DVL3: variants seen among roughly 807,000 people sequenced by gnomAD.
DVL3 encodes dishevelled segment polarity protein 3, also known as segment polarity protein dishevelled homolog DVL-3.
In DVL3, 27 loss-of-function variants were observed where a neutral mutation model predicts 67.4. The observed-to-expected ratio is 0.40, with a 90% CI of 0.30 to 0.55. The LOEUF is 0.55. Ranked by LOEUF, DVL3 falls within the 20% of genes least tolerant of loss-of-function variation. The probability of loss-of-function intolerance (pLI) is 0.46; values close to 1 mark genes in which losing one functional copy is unlikely to be tolerated. For synonymous variants in DVL3, 369 were observed against 396.8 expected (o/e 0.93, Z 0.83); for missense variants, 819 against 1,021.5 (o/e 0.80, Z 2.70).
chr3:184,168,947 T>A (rs543620570), intron 13 of DVL3, among the ~76,000 whole-genome samples: 11 of 152,258 alleles, frequency 7.2e-5, no homozygotes, highest in African/African-American at 2.6e-4. Flanking sequence ...TATGAAGAGC[T>A]AGGCCTGGCT....
Position 184,170,354 on chromosome 3 carries a change from G to T in DVL3, c.1750G>T (p.Asp584Tyr). 6.2e-7 allele frequency: 1 copy of T among 1,605,478 alleles called. No individual in the cohort carries two copies. Among genetic ancestry groups the T allele is most frequent in the Non-Finnish European group, 8.5e-7 (1 of 1,176,354 alleles). ...RSSGSNRSGS[D>Y]RRKEKDPKAG... ...CAGTGGCTCCAACCGTAGCGGCAGC[G>T]ATCGGAGGAAGGAGAAGGACCCGAA... The change falls in exon 15 of 15, where the codon GAT becomes TAT. Residue 584 changes from aspartate to tyrosine, a missense_variant. Physicochemically the swap from Asp to Tyr is radical, Grantham distance 160 (BLOSUM62 -3). Around this residue, in one of 3 missense-constraint regions of DVL3, gnomAD observed 324 missense variants for 331.3 expected, o/e 0.98. Coordinates refer to ENST00000313143, the MANE Select transcript of DVL3 (RefSeq NM_004423.4). The surrounding 1 kb of genome is among the most constrained non-coding windows in gnomAD (Gnocchi z 6.5).
rs909082432 is a variant in DVL3, at chr3:184,171,264, C to T, written c.*509C>T. 63 of 1,049,170 alleles carry T rather than the reference C, an allele frequency of 6.0e-5. No individual in the cohort carries two copies. Among genetic ancestry groups the T allele is most frequent in the Non-Finnish European group, 7.0e-5 (61 of 869,946 alleles). The allele number at this position is 1,049,170 out of a possible 1,614,324, so 65.0% of individuals were successfully genotyped here. A position where few individuals can be genotyped will look rare whatever the true frequency, so the allele number is the denominator to read the frequency against. On this transcript the variant is annotated 3_prime_UTR_variant, in exon 15 of 15. Transcript: ENST00000313143. ...CAAAATATATTTGCTTCATCTGCCC[C>T]TACTAACCATCCCCCTGCCTGCTGC... is the stretch of plus-strand genomic sequence containing the variant.
At position 184,166,241 on chromosome 3, in the gene DVL3, C is replaced by T. The variant is rs1056470101; in HGVS notation, c.879C>T (p.Ile293=). 2.5e-6 allele frequency: 4 copies of T among 1,612,966 alleles called. No individual in the cohort carries two copies. Among genetic ancestry groups the T allele is most frequent in the Non-Finnish European group, 2.5e-6 (3 of 1,179,732 alleles). ...KGGAVAADGR[I]EPGDMLLQVN... is the part of the protein sequence containing the mutation. ...GGGCCGTGGCTGCTGATGGACGCATCGAGCCAGGAGATATGTTGTTACAGG... is the reference window on the plus strand; with the variant it reads ...GGGCCGTGGCTGCTGATGGACGCATTGAGCCAGGAGATATGTTGTTACAGG... The change falls in exon 8 of 15, where the codon ATC becomes ATT. Residue 293 remains isoleucine, a synonymous_variant. Transcript: ENST00000313143. The surrounding 1 kb of genome is among the most constrained non-coding windows in gnomAD (Gnocchi z 6.7).
Position 184,171,177 on chromosome 3 carries a change from A to C in DVL3, c.*422A>C. ...ATTTATTCAGCTACATCATCCCTCT[A>C]TTAACCCCACCCCATCAGGCACGTG... is the stretch of plus-strand genomic sequence containing the variant. On this transcript the variant is annotated 3_prime_UTR_variant, in exon 15 of 15. Transcript: ENST00000313143. 8.8e-7 allele frequency: 1 copy of C among 1,135,512 alleles called. No individual in the cohort carries two copies. Among genetic ancestry groups the C allele is most frequent in the Non-Finnish European group, 1.1e-6 (1 of 917,870 alleles). The allele number at this position is 1,135,512 out of a possible 1,614,324, so 70.3% of individuals were successfully genotyped here.
chr3:184,156,561 C>T (rs1714196379), intron 1 of DVL3: 1 of 436,546 alleles, frequency 2.3e-6, no homozygotes, highest in Non-Finnish European at 4.6e-6. Flanking sequence ...TCTTGGTGTT[C>T]TCTATCTTCC....
At chr3:184,160,175 A>G (rs991081468) in intron 1 of DVL3, among the ~76,000 whole-genome samples, 2 of 144,756 alleles carry the variant, frequency 1.4e-5, no homozygotes, top group African/African-American at 2.6e-5. Context: ...GATGGTCTTG[A>G]TCTCCTGACT....
Position 184,170,709 on chromosome 3 carries a change from G to T in DVL3, c.2105G>T (p.Arg702Leu). The T allele has an allele frequency of 6.2e-7, 1 of 1,613,638 alleles. No individual in the cohort carries two copies. The highest frequency in any genetic ancestry group is 1.3e-5 in the African/African-American group (1 of 74,950). ...CTGACCGCCAGCAGACAGTCCTTCC[G>T]CATGGCCATGGGAAACCCCAGTGAG... ...PELTASRQSF[R>L]MAMGNPSEFF... The change falls in exon 15 of 15, where the codon CGC becomes CTC. Residue 702 changes from arginine (R) to leucine (L), a missense_variant. Transcript: ENST00000313143. The surrounding 1 kb of genome is among the most constrained non-coding windows in gnomAD (Gnocchi z 6.5).
At chr3:184,159,964 G>T (rs915986877) in intron 1 of DVL3, among the ~76,000 whole-genome samples, 1 of 151,132 alleles carries the variant, frequency 6.6e-6, no homozygotes, top group African/African-American at 2.4e-5. Context: ...TTTTGAGAGG[G>T]AGTCTCGCTG....
chr3:184,159,538 A>T lies in DVL3; in HGVS notation c.161+3742A>T, dbSNP rs576268372. 1.1e-3 allele frequency among the ~76,000 whole-genome samples: 113 copies of T among 104,028 alleles called. 38 individuals carry two copies. The highest frequency in any genetic ancestry group is 4.0e-3 in the African/African-American group (107 of 26,996). 68.2% of individuals were successfully genotyped at this position (104,028 alleles called of 152,430 possible). ...GCCACCACACCTGGCTAATTTTTGT[A>T]TTTTAAATAGAGATGGGGTTTTGCT... On this transcript the variant is annotated intron_variant, in intron 1 of 14. Coordinates refer to ENST00000313143, the MANE Select transcript of DVL3 (RefSeq NM_004423.4).
rs771367981 is a variant in DVL3 at position 184,170,680 on chromosome 3, G to A, written c.2076G>A (p.Pro692=). ...PPGRDLASVP[P]ELTASRQSFR... The stretch of plus-strand genomic sequence containing the variant: ...GCCGCGACCTGGCCTCAGTGCCCCC[G>A]GAACTGACCGCCAGCAGACAGTCCT... The change falls in exon 15 of 15, where the codon CCG becomes CCA. Residue 692 remains proline, a synonymous_variant. Transcript: ENST00000313143. This position sits in a 1 kb window ranked among gnomAD's most constrained non-coding sequence, Gnocchi z 6.5. The A allele has an allele frequency of 3.7e-6, 6 of 1,612,602 alleles. No individual in the cohort carries two copies. Among genetic ancestry groups the A allele is most frequent in the Middle Eastern group, 1.7e-4 (1 of 6,060 alleles).
chr3:184,170,986 C>A lies in DVL3; in HGVS notation c.*231C>A. 1 of 1,504,606 alleles carries A rather than the reference C, an allele frequency of 6.6e-7. No homozygotes were observed. Among genetic ancestry groups the A allele is most frequent in the Non-Finnish European group, 8.9e-7 (1 of 1,126,844 alleles). The allele number at this position is 1,504,606 out of a possible 1,614,324, so 93.2% of individuals were successfully genotyped here. A position where few individuals can be genotyped will look rare whatever the true frequency, so the allele number is the denominator to read the frequency against. On this transcript the variant is annotated 3_prime_UTR_variant, in exon 15 of 15. Transcript: ENST00000313143. The surrounding 1 kb of genome is among the most constrained non-coding windows in gnomAD (Gnocchi z 6.5). ...CAGTTCGTTTCCTCTGCCCACTAAT[C>A]CCTGCGCAGGACTTCCCAGGACCCC...
chr3:184,156,638 T>C, intron 1 of DVL3: 1 of 360,176 alleles, frequency 2.8e-6, no homozygotes, highest in Non-Finnish European at 5.5e-6. Context: ...TTGGAAGCAG[T>C]CACTTTCCCT....
chr3:184,163,115 G>A lies in DVL3; in HGVS notation c.162-542G>A, dbSNP rs529683993. The stretch of plus-strand genomic sequence containing the variant: ...TTAGCCAGGCTGGTCTCGTACTCCT[G>A]ACCTCAGGGTGATCTGCCTGCCTCA... On this transcript the variant is annotated intron_variant, in intron 1 of 14. Transcript: ENST00000313143. This position sits in a 1 kb window ranked among gnomAD's most constrained non-coding sequence, Gnocchi z 4.5. 1.3e-5 allele frequency among the ~76,000 whole-genome samples: 2 copies of A among 152,104 alleles called. No individual in the cohort carries two copies. Among genetic ancestry groups the A allele is most frequent in the African/African-American group, 4.8e-5 (2 of 41,410 alleles).
Position 184,170,118 on chromosome 3 carries a change from G to A in DVL3, c.1611G>A (p.Pro537=). ...PGAAPWPMAF[P]YQYPPPPHPY... ...CCGCCCCTTGGCCCATGGCTTTCCCGTACCAGTACCCGCCACCCCCGCACC... is the reference window on the plus strand; with the variant it reads ...CCGCCCCTTGGCCCATGGCTTTCCCATACCAGTACCCGCCACCCCCGCACC... Residue 537 remains proline (P), a synonymous_variant, in exon 14 of 15, where the codon CCG becomes CCA. Coordinates refer to ENST00000313143, the MANE Select transcript of DVL3 (RefSeq NM_004423.4). This position sits in a 1 kb window ranked among gnomAD's most constrained non-coding sequence, Gnocchi z 6.5. 2 of 1,613,842 alleles carry A rather than the reference G, an allele frequency of 1.2e-6. No individual in the cohort carries two copies. The highest frequency in any genetic ancestry group is 1.6e-4 in the Middle Eastern group (1 of 6,062).
chr3:184,161,413 C>T (rs1202219140), intron 1 of DVL3, among the ~76,000 whole-genome samples: 1 of 151,656 alleles, frequency 6.6e-6, no homozygotes, highest in Non-Finnish European at 1.5e-5. Flanking sequence ...GGTGACAGAG[C>T]GAGACTCCGT....
intron 1 of DVL3, among the ~76,000 whole-genome samples, chr3:184,160,400 A>G (rs1010651311): frequency 1.3e-5 from 2 of 152,228 alleles, no homozygotes; most frequent in African/African-American, 2.4e-5. Flanking sequence ...GGATCATGCC[A>G]GGCATTTAAG....
In DVL3 at chr3:184,163,834, C is replaced by A; in HGVS notation, c.231+108C>A. The A allele has an allele frequency of 1.0e-6, 1 of 992,106 alleles. No homozygotes were observed. The highest frequency in any genetic ancestry group is 1.5e-6 in the Non-Finnish European group (1 of 647,154). 61.5% of individuals were successfully genotyped at this position (992,106 alleles called of 1,614,324 possible). A position where few individuals can be genotyped will look rare whatever the true frequency, so the allele number is the denominator to read the frequency against. On this transcript the variant is annotated intron_variant, in intron 2 of 14. Coordinates refer to ENST00000313143, the MANE Select transcript of DVL3 (RefSeq NM_004423.4). This position sits in a 1 kb window ranked among gnomAD's most constrained non-coding sequence, Gnocchi z 4.5. The stretch of plus-strand genomic sequence containing the variant: ...TGGTTTTAAGCTTCAGTATCTGAAT[C>A]TTTCTTTAGTTTTGCAAATGAACTG...
Position 184,155,755 on chromosome 3 carries a change from C to T in DVL3, c.120C>T (p.Pro40=), listed in dbSNP as rs201408685. The part of the protein sequence containing the change: ...LADFKGVLQR[P]SYKFFFKSMD... ...ACTTTAAGGGCGTTTTGCAGCGACC[C>T]AGCTATAAGTTCTTCTTCAAGTCTA... The change falls in exon 1 of 15, where the codon CCC becomes CCT. Residue 40 remains proline (P), a synonymous_variant. Transcript: ENST00000313143. The surrounding 1 kb of genome is among the most constrained non-coding windows in gnomAD (Gnocchi z 5.4). 9.3e-6 allele frequency: 15 copies of T among 1,613,078 alleles called. 1 individual carries two copies. The highest frequency in any genetic ancestry group is 1.2e-5 in the Non-Finnish European group (14 of 1,179,742).
At position 184,155,824 on chromosome 3, in the gene DVL3, G is replaced by A; in HGVS notation, c.161+28G>A. 6.3e-7 allele frequency: 1 copy of A among 1,584,516 alleles called. No homozygotes were observed. The highest frequency in any genetic ancestry group is 8.6e-7 in the Non-Finnish European group (1 of 1,165,876). On this transcript the variant is annotated intron_variant, in intron 1 of 14. Coordinates refer to ENST00000313143, the MANE Select transcript of DVL3 (RefSeq NM_004423.4). The surrounding 1 kb of genome is among the most constrained non-coding windows in gnomAD (Gnocchi z 5.4). ...GAGGATGGCCCCCGCCCCGCCTCCG[G>A]GAGCCCCGGCCGCTCTGGCTTCTAA...
Sources: allele counts gnomAD v4.1 joint callset (sites outside exome capture counted in the v4.1 genomes callset), GRCh38; gene constraint gnomAD v4.1.1; regional missense constraint gnomAD v4.1.1; non-coding constraint Gnocchi (gnomAD v3.1); transcripts MANE v1.5; gene names NCBI Gene and HGNC (gene_info 2026-07-23, HGNC 2026-07-21).